The following CYB5B variants were observed in gnomAD, a reference collection of about 807,000 sequenced individuals.
The protein encoded by CYB5B is cytochrome b5 type B.
Under a neutral mutation model 21.3 loss-of-function variants are expected in CYB5B, and 14 were observed. The ratio of observed to expected loss-of-function variants is 0.66; its 90% CI spans 0.43 to 1.03. CYB5B has a LOEUF of 1.03. Among genes scored for constraint, CYB5B ranks in the 50% least tolerant of loss-of-function variants. CYB5B has a pLI of 0.00. For synonymous variants in CYB5B, 69 were observed against 68.4 expected (o/e 1.01, Z -0.04); for missense variants, 166 against 185.1 (o/e 0.90, Z 0.60).
intron 1 of CYB5B, among the ~76,000 whole-genome samples, chr16:69,427,972 G>A (rs2014665874): frequency 6.7e-6 from 1 of 150,204 alleles, no homozygotes; most frequent in South Asian, 2.1e-4. Flanking sequence ...CTCCAGCCTG[G>A]GCGACAGTCA....
intron 1 of CYB5B, among the ~76,000 whole-genome samples, chr16:69,435,360 C>T (rs984462207): frequency 6.6e-6 from 1 of 152,128 alleles, no homozygotes; most frequent in Admixed American, 6.5e-5. Flanking sequence ...TTGTTTCCTG[C>T]AGCATCTTTT....
Position 69,424,870 on chromosome 16 carries a change from A to C in CYB5B, c.174+13A>C, listed in dbSNP as rs775030399. The C allele has an allele frequency of 6.4e-7, 1 of 1,560,288 alleles. No individual in the cohort carries two copies. The highest frequency in any genetic ancestry group is 8.7e-7 in the Non-Finnish European group (1 of 1,151,398). Reference sequence around the variant, plus strand: ...CTTCCTCAACGAGGTGGGGCCTGGGAGGTGGGAGGCCTCTGAAGCTGCTGG... The same window carrying C: ...CTTCCTCAACGAGGTGGGGCCTGGGCGGTGGGAGGCCTCTGAAGCTGCTGG... On this transcript the variant is annotated intron_variant, in intron 1 of 4. Transcript: ENST00000307892.
In CYB5B at chr16:69,424,680, C is replaced by T; in HGVS notation, c.-4C>T. The T allele has an allele frequency of 1.9e-6, 3 of 1,553,350 alleles. No homozygotes were observed. Among genetic ancestry groups the T allele is most frequent in the South Asian group, 2.4e-5 (2 of 83,838 alleles). The stretch of plus-strand genomic sequence containing the variant: ...GGAATCTCAGTTAGCGGTGGAGAGG[C>T]AGTATGTCCGGTTCAATGGCGACTG... On this transcript the variant is annotated 5_prime_UTR_variant, in exon 1 of 5. Coordinates refer to ENST00000307892, the MANE Select transcript of CYB5B (RefSeq NM_030579.3).
chr16:69,453,590 C>T (rs1053064328), intron 3 of CYB5B, among the ~76,000 whole-genome samples: 4 of 152,048 alleles, frequency 2.6e-5, no homozygotes, highest in African/African-American at 4.8e-5. Context: ...CGGAGTGTTG[C>T]TCTGTCACCC....
chr16:69,461,308 T>C (rs559597927), intron 4 of CYB5B, among the ~76,000 whole-genome samples: 49 of 152,246 alleles, frequency 3.2e-4, no homozygotes, highest in Non-Finnish European at 6.6e-4. Flanking sequence ...TCAAGGAGTC[T>C]GAATTCATTA....
intron 3 of CYB5B, among the ~76,000 whole-genome samples, chr16:69,456,582 A>C (rs191593871): frequency 1.3e-5 from 2 of 152,362 alleles, no homozygotes; most frequent in East Asian, 3.8e-4. Flanking sequence ...TGTAACTAAA[A>C]TCATAGTATT....
At chr16:69,425,281 T>C (rs1351239360) in intron 1 of CYB5B, among the ~76,000 whole-genome samples, 1 of 152,128 alleles carries the variant, frequency 6.6e-6, no homozygotes, top group Non-Finnish European at 1.5e-5. Flanking sequence ...TAATACCGGT[T>C]TTGGTTTTCG....
At chr16:69,442,672 G>C (rs566230951) in intron 1 of CYB5B, among the ~76,000 whole-genome samples, 3 of 151,950 alleles carry the variant, frequency 2.0e-5, no homozygotes, top group Non-Finnish European at 4.4e-5. Context: ...ACCATGCCTG[G>C]ATAATTTTTT....
chr16:69,428,955 G>A (rs2014676661), intron 1 of CYB5B, among the ~76,000 whole-genome samples: 1 of 152,206 alleles, frequency 6.6e-6, no homozygotes, highest in South Asian at 2.1e-4. Flanking sequence ...AGAATGATCA[G>A]GGGAGGACAA....
At chr16:69,434,183 C>T (rs951448602) in intron 1 of CYB5B, among the ~76,000 whole-genome samples, 3 of 152,090 alleles carry the variant, frequency 2.0e-5, no homozygotes, top group Admixed American at 6.6e-5. Context: ...CTGTGAGATT[C>T]ATCTATTTTT....
intron 1 of CYB5B, among the ~76,000 whole-genome samples, chr16:69,426,520 C>T (rs1450776855): frequency 3.3e-5 from 5 of 151,158 alleles, no homozygotes. Flanking sequence ...GCCTGACCAA[C>T]ATGGTGAAAC....
intron 1 of CYB5B, chr16:69,444,213 A>C (rs770161868): frequency 1.3e-5 from 2 of 156,132 alleles, no homozygotes; most frequent in Admixed American, 1.3e-4. Context: ...GTGGCAGATC[A>C]TATCTGAGAA....
intron 1 of CYB5B, among the ~76,000 whole-genome samples, chr16:69,431,635 G>T (rs1394711222): frequency 6.6e-6 from 1 of 152,108 alleles, no homozygotes; most frequent in Non-Finnish European, 1.5e-5. Context: ...AGACGAGCAT[G>T]GTGGCATGAG....
intron 1 of CYB5B, among the ~76,000 whole-genome samples, chr16:69,444,845 C>T (rs1484157295): frequency 6.6e-6 from 1 of 152,158 alleles, no homozygotes; most frequent in Non-Finnish European, 1.5e-5. Flanking sequence ...GTTTTATGCA[C>T]CAAATTGTTA....
chr16:69,450,905 C>G (rs1487288552), intron 3 of CYB5B, among the ~76,000 whole-genome samples: 3 of 152,150 alleles, frequency 2.0e-5, no homozygotes, highest in Admixed American at 6.5e-5. Flanking sequence ...AAGAAACACT[C>G]AAAATGTTGC....
intron 4 of CYB5B, among the ~76,000 whole-genome samples, chr16:69,461,953 A>G (rs990388384): frequency 6.6e-6 from 1 of 152,256 alleles, no homozygotes; most frequent in Non-Finnish European, 1.5e-5. Flanking sequence ...TATGAAGCAG[A>G]TAGGATATTT....
intron 3 of CYB5B, among the ~76,000 whole-genome samples, chr16:69,458,474 C>T (rs1036118691): frequency 3.3e-5 from 5 of 152,148 alleles, no homozygotes; most frequent in African/African-American, 1.2e-4. Flanking sequence ...ATCAATACTT[C>T]AGTACTTTTT....
At chr16:69,457,399 C>T (rs1271029477) in intron 3 of CYB5B, among the ~76,000 whole-genome samples, 3 of 151,938 alleles carry the variant, frequency 2.0e-5, no homozygotes, top group Non-Finnish European at 2.9e-5. Flanking sequence ...TCAAATTATC[C>T]CTTTTAAAAA....
At chr16:69,439,759 G>A (rs1048935238) in intron 1 of CYB5B, among the ~76,000 whole-genome samples, 6 of 151,468 alleles carry the variant, frequency 4.0e-5, no homozygotes, top group Non-Finnish European at 8.8e-5. Flanking sequence ...TAGAGATAAA[G>A]TTTCACCATG....
Sources: allele counts gnomAD v4.1 joint callset (sites outside exome capture counted in the v4.1 genomes callset), GRCh38; gene constraint gnomAD v4.1.1; transcripts MANE v1.5; gene names NCBI Gene and HGNC (gene_info 2026-07-23, HGNC 2026-07-21).